The following BCAR3 variants were observed in gnomAD, a reference collection of about 807,000 sequenced individuals.
BCAR3 encodes breast cancer anti-estrogen resistance protein 3.
BCAR3 carries 37 observed loss-of-function variants against 80.1 expected under a neutral mutation model. The observed-to-expected ratio is 0.46, with a 90% confidence interval of 0.36 to 0.61. The LOEUF (loss-of-function observed/expected upper bound fraction) is 0.61, where lower values mean the gene tolerates loss of function less well. Among genes scored for constraint, BCAR3 ranks in the 20% least tolerant of loss-of-function variants. The pLI is 0.00. For synonymous variants in BCAR3, 389 were observed against 418.9 expected (o/e 0.93, Z 0.87); for missense variants, 978 against 1,068.2 (o/e 0.92, Z 1.18).
intron 2 of BCAR3, among the ~76,000 whole-genome samples, chr1:93,671,100 C>T (rs924699207): frequency 6.6e-6 from 1 of 152,182 alleles, no homozygotes; most frequent in Non-Finnish European, 1.5e-5. Flanking sequence ...TCAAGCGATT[C>T]TCTTGCCTCA....
intron 2 of BCAR3, among the ~76,000 whole-genome samples, chr1:93,797,813 A>C (rs535148827): frequency 1.3e-5 from 2 of 152,368 alleles, no homozygotes; most frequent in South Asian, 4.1e-4. Flanking sequence ...AGAATTCCTC[A>C]AAAGGAAATT....
At chr1:93,596,650 T>G (rs1054301836) in intron 3 of BCAR3, among the ~76,000 whole-genome samples, 1 of 152,230 alleles carries the variant, frequency 6.6e-6, no homozygotes, top group Non-Finnish European at 1.5e-5. Flanking sequence ...TTCGCTCACA[T>G]AAATGCAATA....
At chr1:93,810,743 C>T (rs1029219397) in intron 2 of BCAR3, among the ~76,000 whole-genome samples, 1 of 152,138 alleles carries the variant, frequency 6.6e-6, no homozygotes, top group African/African-American at 2.4e-5. Context: ...TCTGGTCATT[C>T]AAATCAACTC....
At chr1:93,822,824 C>T (rs1571151942) in intron 2 of BCAR3, among the ~76,000 whole-genome samples, 1 of 136,398 alleles carries the variant, frequency 7.3e-6, no homozygotes. Flanking sequence ...TACCCATCAA[C>T]TCATCACCAC....
intron 11 of BCAR3, among the ~76,000 whole-genome samples, chr1:93,565,171 A>G (rs1431704284): frequency 6.6e-6 from 1 of 151,604 alleles, no homozygotes; most frequent in Non-Finnish European, 1.5e-5. Flanking sequence ...AGAATCAAGG[A>G]GAATCGCTTG....
At chr1:93,622,776 G>C (rs1364823041) in intron 3 of BCAR3, among the ~76,000 whole-genome samples, 1 of 152,208 alleles carries the variant, frequency 6.6e-6, no homozygotes, top group African/African-American at 2.4e-5. Context: ...GTCTGCAGGA[G>C]TGACATCCAG....
chr1:93,796,258 G>C (rs1460958826), intron 2 of BCAR3, among the ~76,000 whole-genome samples: 2 of 128,014 alleles, frequency 1.6e-5, no homozygotes, highest in Admixed American at 1.6e-4. Context: ...CCCCAGCCTC[G>C]TTGCCGCCTT....
At chr1:93,761,395 AC>A (rs1434024536) in intron 2 of BCAR3, among the ~76,000 whole-genome samples, 1 of 151,706 alleles carries the variant, frequency 6.6e-6, no homozygotes, top group Non-Finnish European at 1.5e-5. Context: ...AAATTCACCC[AC>A]CCCTTCCCCA....
chr1:93,589,081 CT>C lies in BCAR3; in HGVS notation c.824del (p.Glu275GlyfsTer15). The C allele has an allele frequency of 6.2e-7, 1 of 1,612,556 alleles. No individual in the cohort carries two copies. Among genetic ancestry groups the C allele is most frequent in the Non-Finnish European group, 8.5e-7 (1 of 1,179,172 alleles). ...HYGTSPGQAR[E>X]GSLTKGRPDV... ...CCGGCCTTCCCTTGGTGAGGCTGCC[CT>C]CCCGGGCCTGGCCTGGGGAGGTGCC... On this transcript the variant is annotated frameshift_variant, in exon 5 of 12. Transcript: ENST00000260502. LOFTEE classifies it high-confidence loss of function.
At position 93,674,866 on chromosome 1, in the gene BCAR3, G is replaced by T; in HGVS notation, c.65C>A (p.Ala22Asp). Reference protein sequence around the residue: ...NMPVNHQFPLASSMDLLSSRS... With the variant: ...NMPVNHQFPLDSSMDLLSSRS... Reference sequence around the variant, plus strand: ...GCTGCTCAGAAGGTCCATGGATGAGGCCAGGGGGAACTGGTGATTCACCGG... The same window carrying T: ...GCTGCTCAGAAGGTCCATGGATGAGTCCAGGGGGAACTGGTGATTCACCGG... The change falls in exon 2 of 12, where the codon GCC becomes GAC. Residue 22 changes from alanine to aspartate, a missense_variant. Ala to Asp is a moderately radical substitution (Grantham distance 126). Transcript: ENST00000260502. 2.5e-6 allele frequency: 4 copies of T among 1,586,746 alleles called. No individual in the cohort carries two copies. The highest frequency in any genetic ancestry group is 3.4e-6 in the Non-Finnish European group (4 of 1,171,106).
Position 93,681,639 on chromosome 1 carries a change from G to A in BCAR3, c.-53C>T, listed in dbSNP as rs902564925. On this transcript the variant is annotated 5_prime_UTR_variant, in exon 1 of 12. Coordinates refer to ENST00000260502, the MANE Select transcript of BCAR3 (RefSeq NM_003567.4). ...GGGCGCTCGGGCTCTCAGGATCTCT[G>A]GACCTCCGGCTGGGGCTCAAAGGCG... 4.6e-5 allele frequency: 7 copies of A among 151,914 alleles called. No individual in the cohort carries two copies. The highest frequency in any genetic ancestry group is 1.0e-4 in the Non-Finnish European group (7 of 67,960). The allele number at this position is 151,914 out of a possible 1,614,324, so 9.4% of individuals were successfully genotyped here.
rs192973741 is a variant in BCAR3, at chr1:93,830,697, T to C, written c.-63+14870A>G. Among the ~76,000 whole-genome samples, 11 of 152,302 alleles carry C rather than the reference T, an allele frequency of 7.2e-5. No individual in the cohort carries two copies. In the East Asian group the frequency reaches 1.9e-3, roughly 27 times the overall value. On this transcript the variant is annotated intron_variant, in intron 2 of 13. Transcript: ENST00000370244. ...GCACCCATGTGACTAAAAAGCTTTA[T>C]TGCTCACACAAAGCCTGTTTGGTGG...
At chr1:93,770,870 C>A (rs1241736772) in intron 2 of BCAR3, among the ~76,000 whole-genome samples, 1 of 152,068 alleles carries the variant, frequency 6.6e-6, no homozygotes, top group Non-Finnish European at 1.5e-5. Flanking sequence ...ACACTCCCAC[C>A]CCATTTATTT....
At chr1:93,756,569 G>C (rs1403173568) in intron 2 of BCAR3, among the ~76,000 whole-genome samples, 2 of 152,214 alleles carry the variant, frequency 1.3e-5, no homozygotes, top group East Asian at 3.8e-4. Context: ...AGCTGATAAA[G>C]CAAGTCAGTA....
chr1:93,727,627 C>T (rs1650639090), intron 2 of BCAR3, among the ~76,000 whole-genome samples: 2 of 152,256 alleles, frequency 1.3e-5, no homozygotes, highest in Admixed American at 6.5e-5. Flanking sequence ...ACCATCAACT[C>T]TAAAAAATTA....
chr1:93,740,040 A>G (rs1651124876), intron 2 of BCAR3, among the ~76,000 whole-genome samples: 1 of 151,948 alleles, frequency 6.6e-6, no homozygotes, highest in African/African-American at 2.4e-5. Context: ...CGTCTCAAAA[A>G]AAAAAAAAAG....
chr1:93,587,691 A>AC (rs199611748), intron 5 of BCAR3, among the ~76,000 whole-genome samples: 8,589 of 136,602 alleles, frequency 0.063, 475 homozygotes, highest in African/African-American at 0.16. Flanking sequence ...TTCCTCATGG[A>AC]CCCCCCCGCC....
chr1:93,748,633 T>A (rs970937697), intron 2 of BCAR3, among the ~76,000 whole-genome samples: 1 of 152,210 alleles, frequency 6.6e-6, no homozygotes, highest in Non-Finnish European at 1.5e-5. Context: ...ACTGCACCAA[T>A]CTTCTTTTGT....
intron 3 of BCAR3, among the ~76,000 whole-genome samples, chr1:93,595,882 C>T (rs905342332): frequency 6.6e-6 from 1 of 152,242 alleles, no homozygotes; most frequent in African/African-American, 2.4e-5. Context: ...CTGTAGGCTT[C>T]CCACATACAA....
Sources: gnomAD v4.1 joint callset for allele counts (sites outside exome capture counted in the v4.1 genomes callset) on GRCh38, gnomAD v4.1.1 for gene constraint, MANE v1.5 for transcripts, NCBI Gene and HGNC (gene_info 2026-07-23, HGNC 2026-07-21) for gene names.